Variants in TMEM248 observed in about 807,000 individuals in gnomAD.
TMEM248 encodes transmembrane protein 248.
In TMEM248, 9 loss-of-function variants were observed where a neutral mutation model predicts 30.3. That is an observed-to-expected ratio of 0.30 (90% CI 0.18 to 0.52). The LOEUF is 0.52. TMEM248 is among the 20% of genes least tolerant of loss of function. The pLI, the probability that TMEM248 is intolerant of heterozygous loss-of-function variation, is 0.97. For synonymous variants in TMEM248, 184 were observed against 154.4 expected (o/e 1.19, Z -1.42); for missense variants, 338 against 403.3 (o/e 0.84, Z 1.39).
At chr7:66,925,011 A>AT (rs1010175565) in intron 1 of TMEM248, among the ~76,000 whole-genome samples, 1 of 151,890 alleles carries the variant, frequency 6.6e-6, no homozygotes, top group Non-Finnish European at 1.5e-5. Context: ...CCCCGGCCCT[A>AT]TTTTTTAATT....
intron 1 of TMEM248, among the ~76,000 whole-genome samples, chr7:66,924,991 G>A (rs1791486190): frequency 6.6e-6 from 1 of 152,106 alleles, no homozygotes; most frequent in African/African-American, 2.4e-5. Context: ...TTACAGGCGT[G>A]AGCCACCAGC....
intron 1 of TMEM248, among the ~76,000 whole-genome samples, chr7:66,923,009 A>G (rs988787525): frequency 2.0e-5 from 3 of 152,074 alleles, no homozygotes; most frequent in African/African-American, 7.2e-5. Context: ...ACCTGGCATA[A>G]GTGCGAATAT....
Position 66,955,594 on chromosome 7 carries a change from C to T in TMEM248, c.*72C>T. On this transcript the variant is annotated 3_prime_UTR_variant, in exon 7 of 7. Coordinates refer to ENST00000341567, the MANE Select transcript of TMEM248 (RefSeq NM_017994.5). ...CTTGCCTGCTGAACCCAGCCTGGGCCTGGATGCTCTGTGAATACATTATCT... is the reference window on the plus strand; with the variant it reads ...CTTGCCTGCTGAACCCAGCCTGGGCTTGGATGCTCTGTGAATACATTATCT... 4 of 1,570,256 alleles carry T rather than the reference C, an allele frequency of 2.5e-6. No individual in the cohort carries two copies. The highest frequency in any genetic ancestry group is 3.5e-6 in the Non-Finnish European group (4 of 1,144,406).
In TMEM248 at chr7:66,946,264, AAAAAG is replaced by A. The variant is rs1019207018; in HGVS notation, c.445+1015_445+1019del. On this transcript the variant is annotated intron_variant, in intron 3 of 6. Coordinates refer to ENST00000341567, the MANE Select transcript of TMEM248 (RefSeq NM_017994.5). ...GCGACAGAGCGAGACTCCATCTCAA[AAAAAG>A]AAAAGAAAAGACAATGCCTAAGATG... Among the ~76,000 whole-genome samples the A allele has an allele frequency of 1.2e-4, 18 of 151,430 alleles. No homozygotes were observed. In the South Asian group the frequency reaches 3.6e-3, roughly 30 times the overall value.
At position 66,947,930 on chromosome 7, in the gene TMEM248, T is replaced by C. The variant is rs543472552; in HGVS notation, c.446-614T>C. Among the ~76,000 whole-genome samples, 3 of 152,076 alleles carry C rather than the reference T, an allele frequency of 2.0e-5. No homozygotes were observed. The South Asian group carries it at 6.2e-4, about 32-fold the overall frequency. ...ACACCTGGCTGATTTTTAAAACTTT[T>C]TTGTAGAGACAGAATCTTGCTGTCA... On this transcript the variant is annotated intron_variant, in intron 3 of 6. Transcript: ENST00000341567.
intron 1 of TMEM248, among the ~76,000 whole-genome samples, chr7:66,924,963 C>T (rs1485756202): frequency 1.3e-5 from 2 of 152,024 alleles, no homozygotes; most frequent in Non-Finnish European, 2.9e-5. Flanking sequence ...CCCGCCTTGG[C>T]CTCTCAAAGT....
At chr7:66,943,857 G>A (rs778410469) in intron 2 of TMEM248, among the ~76,000 whole-genome samples, 56 of 151,954 alleles carry the variant, frequency 3.7e-4, no homozygotes, top group Non-Finnish European at 7.2e-4. Flanking sequence ...GACTTCAGTG[G>A]CGCGATCTTG....
intron 1 of TMEM248, among the ~76,000 whole-genome samples, chr7:66,929,909 C>G (rs766618555): frequency 8.6e-5 from 13 of 152,030 alleles, no homozygotes; most frequent in Non-Finnish European, 1.6e-4. Context: ...GTCTGTAATC[C>G]CAGCATTTGG....
intron 4 of TMEM248, 29 bp from the exon 5 acceptor site, chr7:66,950,923 G>C (rs376289449): frequency 3.3e-6 from 5 of 1,524,982 alleles, no homozygotes; most frequent in Non-Finnish European, 3.5e-6. Context: ...CACTGAGCAC[G>C]TGTCTTTCCT....
chr7:66,947,419 T>G (rs1792136342), intron 3 of TMEM248, among the ~76,000 whole-genome samples: 1 of 152,114 alleles, frequency 6.6e-6, no homozygotes, highest in African/African-American at 2.4e-5. Flanking sequence ...TGTTGTTATT[T>G]TGAGATGGAG....
intron 1 of TMEM248, among the ~76,000 whole-genome samples, chr7:66,939,464 C>T (rs1425677329): frequency 2.6e-5 from 4 of 152,156 alleles, no homozygotes; most frequent in Non-Finnish European, 4.4e-5. Flanking sequence ...AAATGTGTTG[C>T]TGTTGATTTT....
chr7:66,948,455 G>A (rs1199724610), intron 3 of TMEM248, 89 bp from the exon 4 acceptor site: 1 of 1,472,356 alleles, frequency 6.8e-7, no homozygotes, highest in Non-Finnish European at 9.2e-7. Context: ...TGATTCCTGT[G>A]TGGGTTTGAT....
intron 1 of TMEM248, chr7:66,921,730 G>T (rs1336511309): frequency 1.3e-5 from 2 of 152,276 alleles, no homozygotes. Flanking sequence ...CCCACGTCTG[G>T]AGCCGAGGCC....
chr7:66,942,048 CG>C, intron 2 of TMEM248, 24 bp downstream of exon 2: 5 of 1,605,826 alleles, frequency 3.1e-6, no homozygotes, highest in Non-Finnish European at 4.3e-6. Context: ...TGACTTCTCC[CG>C]GGCTGGCTGG....
At chr7:66,931,297 CAAA>C (rs758131446) in intron 1 of TMEM248, among the ~76,000 whole-genome samples, 27 of 64,392 alleles carry the variant, frequency 4.2e-4, no homozygotes, top group East Asian at 3.6e-3. Context: ...GACAATATCT[CAAA>C]AAAAAAAAAA....
intron 1 of TMEM248, 137 bp from the exon 2 acceptor site, chr7:66,941,711 G>T: frequency 3.0e-6 from 2 of 660,388 alleles, no homozygotes; most frequent in Non-Finnish European, 2.5e-6. Flanking sequence ...ATGAAGTTAT[G>T]ATCCGACATT....
At chr7:66,954,067 G>A (rs1397879527) in intron 6 of TMEM248, among the ~76,000 whole-genome samples, 3 of 148,500 alleles carry the variant, frequency 2.0e-5, no homozygotes, top group Non-Finnish European at 3.0e-5. Flanking sequence ...CCTCAGCCTC[G>A]AGAGTAGCTG....
At chr7:66,923,080 C>T (rs538177198) in intron 1 of TMEM248, among the ~76,000 whole-genome samples, 1 of 152,146 alleles carries the variant, frequency 6.6e-6, no homozygotes, top group African/African-American at 2.4e-5. Flanking sequence ...GAAAATGTGG[C>T]AGGACTGAAT....
intron 1 of TMEM248, among the ~76,000 whole-genome samples, chr7:66,940,672 T>C (rs1276311148): frequency 2.0e-5 from 3 of 152,138 alleles, no homozygotes; most frequent in African/African-American, 4.8e-5. Flanking sequence ...CTGGCAGGGC[T>C]TCTGAGTCCT....
Sources: allele counts gnomAD v4.1 joint callset (sites outside exome capture counted in the v4.1 genomes callset), GRCh38; gene constraint gnomAD v4.1.1; transcripts MANE v1.5; gene names NCBI Gene and HGNC (gene_info 2026-07-23, HGNC 2026-07-21).